CALN1: variants seen among roughly 807,000 people sequenced by gnomAD.
The protein encoded by CALN1 is calcium-binding protein 8.
Under a neutral mutation model 30.6 loss-of-function variants are expected in CALN1, and 17 were observed. The ratio of observed to expected loss-of-function variants is 0.56; its 90% confidence interval spans 0.38 to 0.83. The LOEUF (loss-of-function observed/expected upper bound fraction) is 0.83, where lower values mean the gene tolerates loss of function less well. Ranked by LOEUF, CALN1 falls within the 40% of genes least tolerant of loss-of-function variation. The probability of loss-of-function intolerance (pLI) is 0.00; values close to 1 mark genes in which losing one functional copy is unlikely to be tolerated. For synonymous variants in CALN1, 156 were observed against 131.4 expected (o/e 1.19, Z -1.28); for missense variants, 291 against 354.9 (o/e 0.82, Z 1.45).
chr7:72,030,932 G>A (rs1362651676), intron 4 of CALN1, among the ~76,000 whole-genome samples: 1 of 152,010 alleles, frequency 6.6e-6, no homozygotes, highest in African/African-American at 2.4e-5. Context: ...AATTTTTTCA[G>A]AGACAAGGTC....
chr7:71,904,452 A>G (rs1226598418), intron 5 of CALN1, among the ~76,000 whole-genome samples: 1 of 152,232 alleles, frequency 6.6e-6, no homozygotes, highest in Non-Finnish European at 1.5e-5. Flanking sequence ...ATAGAAAGAC[A>G]AATACCAAAT....
intron 2 of CALN1, among the ~76,000 whole-genome samples, chr7:72,381,871 AAAG>A (rs1276616021): frequency 6.6e-6 from 1 of 152,236 alleles, no homozygotes; most frequent in African/African-American, 2.4e-5. Context: ...AATTTTAGAA[AAAG>A]AATTATAGAT....
At position 71,945,947 on chromosome 7, in the gene CALN1, G is replaced by T. The variant is rs1796384428; in HGVS notation, c.501+77710C>A. Reference sequence around the variant, plus strand: ...AAAGGTTGGGGACCGCTGCTCCAGAGTTCAGAGAAGTTAGGGCAGAGACGA... The same window carrying T: ...AAAGGTTGGGGACCGCTGCTCCAGATTTCAGAGAAGTTAGGGCAGAGACGA... On this transcript the variant is annotated intron_variant, in intron 5 of 6. Coordinates refer to ENST00000395275, the MANE Select transcript of CALN1 (RefSeq NM_031468.4). 3.9e-5 allele frequency among the ~76,000 whole-genome samples: 6 copies of T among 152,328 alleles called. No homozygotes were observed. In the South Asian group the frequency reaches 1.2e-3, roughly 32 times the overall value.
intron 1 of CALN1, among the ~76,000 whole-genome samples, chr7:72,404,582 T>A (rs746536022): frequency 6.6e-6 from 1 of 152,176 alleles, no homozygotes; most frequent in East Asian, 1.9e-4. Flanking sequence ...GGCAATGGCT[T>A]CTCGCAGAAA....
In CALN1 at chr7:71,783,915, C is replaced by T. The variant is rs1010390670; in HGVS notation, c.*3860G>A. 1.3e-5 allele frequency: 2 copies of T among 152,280 alleles called. No individual in the cohort carries two copies. Among genetic ancestry groups the T allele is most frequent in the Non-Finnish European group, 2.9e-5 (2 of 68,040 alleles). 9.4% of individuals were successfully genotyped at this position (152,280 alleles called of 1,614,324 possible). A position where few individuals can be genotyped will look rare whatever the true frequency, so the allele number is the denominator to read the frequency against. On this transcript the variant is annotated 3_prime_UTR_variant, in exon 7 of 7. Coordinates refer to ENST00000395275, the MANE Select transcript of CALN1 (RefSeq NM_031468.4). ...ACAGGGCAGGTATTGAGAAAGAAGA[C>T]TCATAAGACACATCTTGTTCTCTGC...
At chr7:72,118,868 A>C (rs1584980339) in intron 3 of CALN1, among the ~76,000 whole-genome samples, 1 of 152,356 alleles carries the variant, frequency 6.6e-6, no homozygotes, top group Admixed American at 6.5e-5. Context: ...CTGCTAGGTC[A>C]TCAACAGCTG....
chr7:72,071,172 G>T (rs1473208690), intron 4 of CALN1, among the ~76,000 whole-genome samples: 4 of 152,138 alleles, frequency 2.6e-5, no homozygotes, highest in African/African-American at 9.7e-5. Context: ...CAATCCCATG[G>T]CAGGGAGATG....
intron 5 of CALN1, among the ~76,000 whole-genome samples, chr7:71,945,993 A>G (rs1161941942): frequency 6.6e-6 from 1 of 152,170 alleles, no homozygotes; most frequent in African/African-American, 2.4e-5. Context: ...CTTCTGAAGG[A>G]CTTCCCCATG....
At chr7:72,394,429 C>T (rs921058829) in intron 2 of CALN1, among the ~76,000 whole-genome samples, 7 of 152,186 alleles carry the variant, frequency 4.6e-5, no homozygotes, top group African/African-American at 1.7e-4. Context: ...TACACAGATG[C>T]TCTCCAAAGC....
chr7:72,279,933 G>C (rs1797622589), intron 2 of CALN1, among the ~76,000 whole-genome samples: 2 of 152,180 alleles, frequency 1.3e-5, no homozygotes, highest in Non-Finnish European at 2.9e-5. Flanking sequence ...GAACATCTTT[G>C]TATCGGAGCT....
At chr7:72,111,700 A>G (rs1021214358) in intron 3 of CALN1, among the ~76,000 whole-genome samples, 1 of 151,468 alleles carries the variant, frequency 6.6e-6, no homozygotes, top group African/African-American at 2.4e-5. Context: ...CTTCTGCCTC[A>G]GCCTCCCAAA....
intron 4 of CALN1, among the ~76,000 whole-genome samples, chr7:72,077,238 G>A (rs906204368): frequency 7.2e-5 from 11 of 152,004 alleles, no homozygotes; most frequent in African/African-American, 1.9e-4. Context: ...CAAACAGGAG[G>A]ACACTAGCTG....
intron 2 of CALN1, among the ~76,000 whole-genome samples, chr7:72,344,644 ATTT>A (rs71515108): frequency 2.9e-4 from 42 of 145,992 alleles, no homozygotes; most frequent in Admixed American, 1.1e-3. Context: ...ATATATTTAT[ATTT>A]TTTTATTTAT....
the CALN1 span, among the ~76,000 whole-genome samples, chr7:72,454,558 T>C: frequency 6.6e-6 from 1 of 152,102 alleles, no homozygotes; most frequent in Non-Finnish European, 1.5e-5. Flanking sequence ...TCACAAGTTC[T>C]CCTCCTTATA....
At chr7:72,292,352 C>T (rs1385790875) in intron 2 of CALN1, among the ~76,000 whole-genome samples, 2 of 151,490 alleles carry the variant, frequency 1.3e-5, no homozygotes, top group Non-Finnish European at 2.9e-5. Context: ...GCGCTCTGGT[C>T]TCTTTGTCCC....
At chr7:72,127,018 TC>T (rs1482070740) in intron 3 of CALN1, among the ~76,000 whole-genome samples, 2 of 151,936 alleles carry the variant, frequency 1.3e-5, no homozygotes, top group African/African-American at 4.8e-5. Flanking sequence ...CGTAACCCGT[TC>T]CTTGGGCCTC....
rs1563015208 is a variant in CALN1 at position 72,054,416 on chromosome 7, T to TATATAC, written c.389-30648_389-30647insGTATAT. ...GCATATATGTACATATATATATATATACGTGTATATATACACGTATATATA... is the reference window on the plus strand; with the variant it reads ...GCATATATGTACATATATATATATATATATACACGTGTATATATACACGTATATATA... On this transcript the variant is annotated intron_variant, in intron 4 of 6. Coordinates refer to ENST00000395275, the MANE Select transcript of CALN1 (RefSeq NM_031468.4). Among the ~76,000 whole-genome samples the TATATAC allele has an allele frequency of 2.2e-3, 108 of 49,326 alleles. 6 individuals carry two copies. In the East Asian group the frequency reaches 0.074, roughly 34 times the overall value. The allele number at this position is 49,326 out of a possible 152,430, so 32.4% of individuals were successfully genotyped here.
the CALN1 span, among the ~76,000 whole-genome samples, chr7:72,470,704 T>C: frequency 6.6e-6 from 1 of 152,164 alleles, no homozygotes; most frequent in Non-Finnish European, 1.5e-5. Context: ...ATATGTCATA[T>C]GTTGTGTGGG....
intron 5 of CALN1, among the ~76,000 whole-genome samples, chr7:71,865,898 CAAGTCA>C (rs1791555657): frequency 2.0e-5 from 3 of 151,910 alleles, no homozygotes; most frequent in African/African-American, 7.3e-5. Context: ...TTATGTGAAA[CAAGTCA>C]AATAAAAATT....
Sources: allele counts gnomAD v4.1 joint callset (sites outside exome capture counted in the v4.1 genomes callset), GRCh38; gene constraint gnomAD v4.1.1; transcripts MANE v1.5; gene names NCBI Gene and HGNC (gene_info 2026-07-23, HGNC 2026-07-21).